Variants in AGMO observed in about 807,000 individuals in gnomAD.
The protein encoded by AGMO is glyceryl-ether monooxygenase.
A neutral mutation model predicts 60.2 loss-of-function variants in AGMO; 75 were observed. The ratio of observed to expected loss-of-function variants is 1.25; its 90% CI spans 1.03 to 1.51. AGMO has a LOEUF of 1.51. Among genes scored for constraint, AGMO ranks in the 40% most tolerant of loss-of-function variants. The pLI, the probability that AGMO is intolerant of heterozygous loss-of-function variation, is 0.00. For synonymous variants in AGMO, 261 were observed against 177.1 expected (o/e 1.47, Z -3.76); for missense variants, 763 against 525.5 (o/e 1.45, Z -4.42).
At position 15,495,916 on chromosome 7, in the gene AGMO, T is replaced by G. The variant is rs1404550069; in HGVS notation, c.409+48856A>C. Among the ~76,000 whole-genome samples the G allele has an allele frequency of 4.6e-5, 7 of 151,856 alleles. No individual in the cohort carries two copies. In the East Asian group the frequency reaches 1.4e-3, roughly 29 times the overall value. On this transcript the variant is annotated intron_variant, in intron 3 of 12. Coordinates refer to ENST00000342526, the MANE Select transcript of AGMO (RefSeq NM_001004320.2). ...CTCTCACTCTTCCTCTTCTTCTTCT[T>G]ATAAGGGCACAAAATTCATTGTGAG...
At chr7:15,292,502 G>A (rs548126730) in intron 12 of AGMO, among the ~76,000 whole-genome samples, 1 of 152,012 alleles carries the variant, frequency 6.6e-6, no homozygotes, top group African/African-American at 2.4e-5. Flanking sequence ...CAAAATATGA[G>A]GACGACTAGT....
intron 12 of AGMO, among the ~76,000 whole-genome samples, chr7:15,240,120 G>A (rs907328628): frequency 6.6e-6 from 1 of 152,024 alleles, no homozygotes; most frequent in African/African-American, 2.4e-5. Context: ...CATCAAAGGG[G>A]TAATATAATG....
chr7:15,315,441 G>T (rs560690530), intron 12 of AGMO, among the ~76,000 whole-genome samples: 1 of 140,888 alleles, frequency 7.1e-6, no homozygotes, highest in South Asian at 2.4e-4. Context: ...TAGTTCAAGC[G>T]ATTCTCCTGC....
At chr7:15,370,415 T>A (rs1783162183) in intron 10 of AGMO, among the ~76,000 whole-genome samples, 1 of 152,214 alleles carries the variant, frequency 6.6e-6, no homozygotes, top group African/African-American at 2.4e-5. Context: ...ATATACCCAG[T>A]AATGGGACTG....
At chr7:15,222,789 A>T (rs1374835013) in intron 12 of AGMO, among the ~76,000 whole-genome samples, 2 of 151,990 alleles carry the variant, frequency 1.3e-5, no homozygotes, top group Admixed American at 1.3e-4. Flanking sequence ...AACATTTCTG[A>T]ATATTTGAAG....
At chr7:15,384,515 C>T (rs917378150) in intron 10 of AGMO, among the ~76,000 whole-genome samples, 3 of 152,194 alleles carry the variant, frequency 2.0e-5, no homozygotes, top group South Asian at 2.1e-4. Context: ...GTGTCCTATA[C>T]ACCTTAAAGA....
intron 12 of AGMO, among the ~76,000 whole-genome samples, chr7:15,332,599 T>C (rs1224619601): frequency 6.6e-6 from 1 of 152,142 alleles, no homozygotes; most frequent in African/African-American, 2.4e-5. Context: ...AGAAGCTGTA[T>C]GACCCTTGGC....
chr7:15,358,870 T>A (rs2128558133), intron 12 of AGMO, among the ~76,000 whole-genome samples: 1 of 152,282 alleles, frequency 6.6e-6, no homozygotes, highest in East Asian at 1.9e-4. Context: ...ATGACCTAAA[T>A]GTAACATTTT....
intron 10 of AGMO, among the ~76,000 whole-genome samples, chr7:15,384,961 T>C (rs1363740309): frequency 6.6e-6 from 1 of 152,036 alleles, no homozygotes; most frequent in Non-Finnish European, 1.5e-5. Context: ...AATCCTGGTC[T>C]AGTGCTCTTC....
At chr7:15,465,360 C>T (rs1583580278) in intron 3 of AGMO, among the ~76,000 whole-genome samples, 1 of 150,042 alleles carries the variant, frequency 6.7e-6, no homozygotes, top group Non-Finnish European at 1.5e-5. Context: ...TACACACGCA[C>T]ACACACATAT....
chr7:15,508,650 A>G (rs1254570466), intron 3 of AGMO, among the ~76,000 whole-genome samples: 1 of 152,098 alleles, frequency 6.6e-6, no homozygotes, highest in Non-Finnish European at 1.5e-5. Flanking sequence ...GAATGCTCGC[A>G]CAAGACAGCC....
intron 5 of AGMO, among the ~76,000 whole-genome samples, chr7:15,397,172 G>C (rs1009828222): frequency 6.6e-6 from 1 of 152,148 alleles, no homozygotes; most frequent in African/African-American, 2.4e-5. Context: ...AAGAGGAAAA[G>C]TGGGGAAGCG....
At chr7:15,424,390 G>A (rs1781003628) in intron 4 of AGMO, among the ~76,000 whole-genome samples, 1 of 152,102 alleles carries the variant, frequency 6.6e-6, no homozygotes, top group South Asian at 2.1e-4. Context: ...TAAATTTTTA[G>A]CCACTTGTAC....
At chr7:15,358,026 G>C (rs1053911700) in intron 12 of AGMO, among the ~76,000 whole-genome samples, 1 of 152,154 alleles carries the variant, frequency 6.6e-6, no homozygotes, top group African/African-American at 2.4e-5. Flanking sequence ...AGTTTGCTAA[G>C]AACTGTTGAA....
At chr7:15,508,682 G>A (rs757103334) in intron 3 of AGMO, among the ~76,000 whole-genome samples, 1 of 151,854 alleles carries the variant, frequency 6.6e-6, no homozygotes, top group East Asian at 1.9e-4. Flanking sequence ...CGCACAGTGG[G>A]AGATAGTCCA....
chr7:15,390,715 CA>C lies in AGMO; in HGVS notation c.777del (p.Tyr259Ter). 1 of 1,611,294 alleles carries C rather than the reference CA, an allele frequency of 6.2e-7. No homozygotes were observed. Among genetic ancestry groups the C allele is most frequent in the Non-Finnish European group, 8.5e-7 (1 of 1,178,342 alleles). On this transcript the variant is annotated frameshift_variant, in exon 8 of 13. Transcript: ENST00000342526. LOFTEE classifies it high-confidence loss of function. ...TFEAENEKVV[Y>X]GLTHPINTFE... is the part of the protein sequence containing the mutation. ...AATGTATTAATGGGATGTGTTAAGCCATATACAACTTTTTCATTTTCTGCTT... is the reference window on the plus strand; with the variant it reads ...AATGTATTAATGGGATGTGTTAAGCCTATACAACTTTTTCATTTTCTGCTT...
At chr7:15,220,810 G>C (rs1254575316) in intron 12 of AGMO, among the ~76,000 whole-genome samples, 1 of 151,770 alleles carries the variant, frequency 6.6e-6, no homozygotes, top group Non-Finnish European at 1.5e-5. Context: ...TATATTTTCA[G>C]GACACAGATC....
chr7:15,379,304 T>A (rs543268076), intron 10 of AGMO, among the ~76,000 whole-genome samples: 15 of 152,030 alleles, frequency 9.9e-5, no homozygotes, highest in African/African-American at 3.6e-4. Context: ...TGAAAAACCA[T>A]TGGAAAGATC....
intron 12 of AGMO, among the ~76,000 whole-genome samples, chr7:15,308,512 G>T (rs1385976405): frequency 6.6e-6 from 1 of 151,944 alleles, no homozygotes; most frequent in Non-Finnish European, 1.5e-5. Flanking sequence ...TGTCTCATTT[G>T]CTTGTATTAA....
Sources: allele counts gnomAD v4.1 joint callset (sites outside exome capture counted in the v4.1 genomes callset), GRCh38; gene constraint gnomAD v4.1.1; transcripts MANE v1.5; gene names NCBI Gene and HGNC (gene_info 2026-07-23, HGNC 2026-07-21).